Variants in KASH5 observed in about 807,000 individuals in gnomAD.
KASH5 encodes protein KASH5.
A neutral mutation model predicts 84.2 loss-of-function variants in KASH5; 72 were observed. The observed-to-expected ratio is 0.85, with a 90% confidence interval of 0.71 to 1.04. KASH5 has a LOEUF of 1.04. Ranked by LOEUF, KASH5 falls within the 50% of genes least tolerant of loss-of-function variation. The pLI, the probability that KASH5 is intolerant of heterozygous loss-of-function variation, is 0.00. For synonymous variants in KASH5, 260 were observed against 279.1 expected (o/e 0.93, Z 0.68); for missense variants, 650 against 701.0 (o/e 0.93, Z 0.82).
At chr19:49,392,829 T>C (rs1276420642) in intron 2 of KASH5, among the ~76,000 whole-genome samples, 1 of 151,910 alleles carries the variant, frequency 6.6e-6, no homozygotes, top group Non-Finnish European at 1.5e-5. Flanking sequence ...GGAGAATTGC[T>C]TGAACCTTGG....
At chr19:49,407,345 C>T (rs1974560820) in intron 11 of KASH5, 49 bp downstream of exon 11, 2 of 1,581,098 alleles carry the variant, frequency 1.3e-6, no homozygotes, top group African/African-American at 1.3e-5. Flanking sequence ...GTGCACCAGC[C>T]ACTTCCTGCC....
Position 49,412,016 on chromosome 19 carries a change from A to G in KASH5, c.1270-952A>G, listed in dbSNP as rs1443449133. On this transcript the variant is annotated intron_variant, in intron 15 of 19. Transcript: ENST00000447857. This position sits in a 1 kb window ranked among gnomAD's most constrained non-coding sequence, Gnocchi z 4.6. ...TTGAGGCACTAGCACAGCCTGTGCA[A>G]GGCCTTGGCATAAAATCACGATATG... 6.6e-6 allele frequency among the ~76,000 whole-genome samples: 1 copy of G among 152,170 alleles called. No homozygotes were observed. Among genetic ancestry groups the G allele is most frequent in the East Asian group, 1.9e-4 (1 of 5,184 alleles).
At position 49,397,704 on chromosome 19, in the gene KASH5, C is replaced by T; in HGVS notation, c.454C>T (p.Pro152Ser). 6.2e-7 allele frequency: 1 copy of T among 1,613,702 alleles called. No homozygotes were observed. Among genetic ancestry groups the T allele is most frequent in the Non-Finnish European group, 8.5e-7 (1 of 1,179,786 alleles). ...CCTGGAGAGCTTCGGAGGCGAAGACCCCAGACCCGAGCTGTACCTATCCTC... is the reference window on the plus strand; with the variant it reads ...CCTGGAGAGCTTCGGAGGCGAAGACTCCAGACCCGAGCTGTACCTATCCTC... ...ANLESFGGED[P>S]RPELQATADL... The change falls in exon 6 of 20, where the codon CCC becomes TCC. Residue 152 changes from proline to serine, a missense_variant. Pro to Ser is a moderately conservative substitution (Grantham distance 74, BLOSUM62 -1). Coordinates refer to ENST00000447857, the MANE Select transcript of KASH5 (RefSeq NM_144688.5).
At chr19:49,403,340 T>TC (rs11442661) in intron 9 of KASH5, among the ~76,000 whole-genome samples, 83,740 of 151,362 alleles carry the variant, frequency 0.55, 23,290 homozygotes, top group South Asian at 0.65. Context: ...GCCACTGCAC[T>TC]CAGCTTGGGC....
intron 5 of KASH5, 108 bp from the exon 6 acceptor site, chr19:49,397,543 G>A: frequency 1.1e-6 from 1 of 948,320 alleles, no homozygotes; most frequent in Non-Finnish European, 1.7e-6. Flanking sequence ...AGATTCTCCA[G>A]AGCACAGGTG....
chr19:49,407,362 C>A, intron 11 of KASH5, 66 bp downstream of exon 11: 1 of 1,544,424 alleles, frequency 6.5e-7, no homozygotes, highest in South Asian at 1.1e-5. Context: ...TGCCCCTGGT[C>A]TAGAAAGGGA....
chr19:49,388,655 G>C (rs1973889925), intron 1 of KASH5, among the ~76,000 whole-genome samples: 1 of 149,656 alleles, frequency 6.7e-6, no homozygotes, highest in African/African-American at 2.5e-5. Context: ...TCGCGCCACT[G>C]CACTCCAGCC....
chr19:49,414,912 G>A lies in KASH5; in HGVS notation c.1329-39G>A. The A allele has an allele frequency of 6.2e-7, 1 of 1,601,498 alleles. No homozygotes were observed. The highest frequency in any genetic ancestry group is 8.5e-7 in the Non-Finnish European group (1 of 1,174,228). On this transcript the variant is annotated intron_variant, in intron 16 of 19. Coordinates refer to ENST00000447857, the MANE Select transcript of KASH5 (RefSeq NM_144688.5). The surrounding 1 kb of genome is among the most constrained non-coding windows in gnomAD (Gnocchi z 4.5). The stretch of plus-strand genomic sequence containing the variant: ...CATAGTAGGCAAAGGGAACCAGGGA[G>A]AAGAGGACGAAGCCAGCAGTGACTT...
chr19:49,403,780 G>T (rs544876425), intron 9 of KASH5, among the ~76,000 whole-genome samples: 1 of 152,242 alleles, frequency 6.6e-6, no homozygotes, highest in African/African-American at 2.4e-5. Flanking sequence ...AAGGCCTGCT[G>T]CCAGGTTGAG....
chr19:49,399,376 GTT>G lies in KASH5; in HGVS notation c.748-78_748-77del, dbSNP rs1974288550. On this transcript the variant is annotated intron_variant, in intron 8 of 19. Coordinates refer to ENST00000447857, the MANE Select transcript of KASH5 (RefSeq NM_144688.5). The surrounding 1 kb of genome is among the most constrained non-coding windows in gnomAD (Gnocchi z 4.4). ...ACCCATTCCCCCAGGCCCTGGTTGTGTTTTCAGGGGTGGGAGAAGGGCAACAT... is the reference window on the plus strand; with the variant it reads ...ACCCATTCCCCCAGGCCCTGGTTGTGTTCAGGGGTGGGAGAAGGGCAACAT... The G allele has an allele frequency of 7.2e-7, 1 of 1,393,620 alleles. No homozygotes were observed. Among genetic ancestry groups the G allele is most frequent in the Non-Finnish European group, 1.0e-6 (1 of 1,003,024 alleles). 86.3% of individuals were successfully genotyped at this position (1,393,620 alleles called of 1,614,324 possible).
At chr19:49,391,009 C>CT (rs1170941175) in intron 2 of KASH5, 83 bp downstream of exon 2, 1 of 1,497,412 alleles carries the variant, frequency 6.7e-7, no homozygotes, top group African/African-American at 1.4e-5. Context: ...GACTCGGGGA[C>CT]TTGGGAGAGG....
At chr19:49,388,862 G>A (rs7248176) in intron 1 of KASH5, among the ~76,000 whole-genome samples, 78,664 of 151,586 alleles carry the variant, frequency 0.52, 20,611 homozygotes, top group South Asian at 0.63. Context: ...ACTCTCCCCA[G>A]ATCAGCAGAG....
At chr19:49,389,141 T>A (rs1345445632) in intron 1 of KASH5, among the ~76,000 whole-genome samples, 1 of 84,082 alleles carries the variant, frequency 1.2e-5, no homozygotes, top group Non-Finnish European at 2.1e-5. Context: ...CCCGCATAAA[T>A]CAAGACCCCC....
chr19:49,416,937 C>G lies in KASH5; in HGVS notation c.1375-78C>G, dbSNP rs1974923461. ...AGCTCCACCACTTTCTATGTGGCCACTTGTGTCCAGTGGGCTGACCTGAGC... is the reference window on the plus strand; with the variant it reads ...AGCTCCACCACTTTCTATGTGGCCAGTTGTGTCCAGTGGGCTGACCTGAGC... On this transcript the variant is annotated intron_variant, in intron 17 of 19. Coordinates refer to ENST00000447857, the MANE Select transcript of KASH5 (RefSeq NM_144688.5). This position sits in a 1 kb window ranked among gnomAD's most constrained non-coding sequence, Gnocchi z 5.4. 2 of 1,417,788 alleles carry G rather than the reference C, an allele frequency of 1.4e-6. No individual in the cohort carries two copies. The highest frequency in any genetic ancestry group is 2.0e-5 in the Admixed American group (1 of 50,842). 87.8% of individuals were successfully genotyped at this position (1,417,788 alleles called of 1,614,324 possible).
In KASH5 at chr19:49,407,277, G is replaced by A; in HGVS notation, c.914G>A (p.Arg305Lys). ...LFECEHLICQ[R>K]DTILSERTRD... ...GAGTGTGAACACCTCATTTGCCAAA[G>A]AGACACCATCCTCTCTGAGGTAAGG... Residue 305 changes from arginine (R) to lysine (K), a missense_variant, in exon 11 of 20, where the codon AGA becomes AAA. By Grantham distance (26) the Arg-to-Lys change is conservative. Coordinates refer to ENST00000447857, the MANE Select transcript of KASH5 (RefSeq NM_144688.5). 1 of 1,613,908 alleles carries A rather than the reference G, an allele frequency of 6.2e-7. No homozygotes were observed. Among genetic ancestry groups the A allele is most frequent in the African/African-American group, 1.3e-5 (1 of 75,034 alleles).
Position 49,417,083 on chromosome 19 carries a change from A to T in KASH5, c.1439+4A>T. ...TCCCAGAAAACCCTCCAGAGAGGTA[A>T]TAGGACCCACAGGGTCCAGGAGGGA... is the stretch of plus-strand genomic sequence containing the variant. On this transcript the variant is annotated splice_donor_region_variant and intron_variant, in intron 18 of 19. Transcript: ENST00000447857. This position sits in a 1 kb window ranked among gnomAD's most constrained non-coding sequence, Gnocchi z 5.2. The T allele has an allele frequency of 6.2e-7, 1 of 1,600,854 alleles. No homozygotes were observed. The highest frequency in any genetic ancestry group is 2.3e-5 in the East Asian group (1 of 44,320).
chr19:49,414,687 TCCGTGCTGCCTGGCCTCCC>T lies in KASH5; in HGVS notation c.1329-261_1329-243del. Among the ~76,000 whole-genome samples, 1 of 148,148 alleles carries T rather than the reference TCCGTGCTGCCTGGCCTCCC, an allele frequency of 6.8e-6. No individual in the cohort carries two copies. Among genetic ancestry groups the T allele is most frequent in the South Asian group, 2.1e-4 (1 of 4,784 alleles). ...ATATGCAGGACACCCCCCAGGCCCG[TCCGTGCTGCCTGGCCTCCC>T]CCAGGCCCGTCCGTGCTGCCTGGCC... On this transcript the variant is annotated intron_variant, in intron 16 of 19. Coordinates refer to ENST00000447857, the MANE Select transcript of KASH5 (RefSeq NM_144688.5). This position sits in a 1 kb window ranked among gnomAD's most constrained non-coding sequence, Gnocchi z 4.5.
chr19:49,406,416 G>A (rs1016361799), intron 9 of KASH5, among the ~76,000 whole-genome samples: 6 of 152,004 alleles, frequency 3.9e-5, no homozygotes, highest in African/African-American at 1.2e-4. Flanking sequence ...TCGCTCTGTC[G>A]CCCAGGCTGG....
intron 1 of KASH5, 128 bp from the exon 2 acceptor site, chr19:49,390,661 G>C (rs1973972272): frequency 3.9e-6 from 2 of 507,798 alleles, no homozygotes; most frequent in Non-Finnish European, 6.9e-6. Flanking sequence ...GAGCGGAGCT[G>C]CTCAGGTCAC....
Sources: gnomAD v4.1 joint callset for allele counts (sites outside exome capture counted in the v4.1 genomes callset) on GRCh38, gnomAD v4.1.1 for gene constraint, Gnocchi (gnomAD v3.1) non-coding constraint, MANE v1.5 for transcripts, NCBI Gene and HGNC (gene_info 2026-07-23, HGNC 2026-07-21) for gene names.